The following AP2M1 variants were observed in gnomAD, a reference collection of about 807,000 sequenced individuals.
AP2M1 encodes the protein AP-2 complex subunit mu.
Under a neutral mutation model 54.5 loss-of-function variants are expected in AP2M1, and 5 were observed. The ratio of observed to expected loss-of-function variants is 0.09; its 90% CI spans 0.05 to 0.19. AP2M1 has a LOEUF of 0.19. Among genes scored for constraint, AP2M1 ranks in the 10% least tolerant of loss-of-function variants. AP2M1 has a pLI of 1.00. For synonymous variants in AP2M1, 186 were observed against 208.2 expected, an observed-to-expected ratio of 0.89 and a Z score of 0.92; for missense variants, 178 against 580.2, an observed-to-expected ratio of 0.31 and a Z score of 7.12.
chr3:184,178,788 T>C lies in AP2M1; in HGVS notation c.75-69T>C. 2 of 1,566,216 alleles carry C rather than the reference T, an allele frequency of 1.3e-6. 1 individual carries two copies. The highest frequency in any genetic ancestry group is 2.4e-5 in the South Asian group (2 of 84,760). The stretch of plus-strand genomic sequence containing the variant: ...AAAGGAGGGTGGGGCTGTTAGCAGC[T>C]GTGGTTGATCCTTATGGGGTAAGGT... On this transcript the variant is annotated intron_variant, in intron 2 of 11. Transcript: ENST00000292807. This position sits in a 1 kb window ranked among gnomAD's most constrained non-coding sequence, Gnocchi z 4.9.
intron 2 of AP2M1, chr3:184,177,497 G>T: frequency 6.6e-7 from 1 of 1,509,156 alleles, no homozygotes; most frequent in South Asian, 1.2e-5. Flanking sequence ...GGATTCTGTT[G>T]AAAGCCCCTC....
In AP2M1 at chr3:184,182,717, C is replaced by G. The variant is rs2231222; in HGVS notation, c.1062-40C>G. 4,221 of 1,585,944 alleles carry G rather than the reference C, an allele frequency of 2.7e-3. 95 individuals are homozygous for G. The African/African-American group carries it at 0.049, about 18-fold the overall frequency. On this transcript the variant is annotated intron_variant, in intron 10 of 11. Coordinates refer to ENST00000292807, the MANE Select transcript of AP2M1 (RefSeq NM_004068.4). This position sits in a 1 kb window ranked among gnomAD's most constrained non-coding sequence, Gnocchi z 5.5. ...ATGGGCAACTGCCCTTGAAACTCCT[C>G]CAAGCCCCAATGGGCTGCCCATTGT...
At chr3:184,175,172 A>G (rs1715022432) in intron 1 of AP2M1, 1 of 393,180 alleles carries the variant, frequency 2.5e-6, no homozygotes, top group Non-Finnish European at 4.5e-6. Context: ...CCTCCACCTG[A>G]CCCGCCTGGC....
In AP2M1 at chr3:184,178,278, A is replaced by G; in HGVS notation, c.75-579A>G. The stretch of plus-strand genomic sequence containing the variant: ...TACAGGTGGGTGGGGGCCTGCCCCC[A>G]TCGTTTTCCTGCATCCTTTTTCATT... On this transcript the variant is annotated intron_variant, in intron 2 of 11. Transcript: ENST00000292807. This position sits in a 1 kb window ranked among gnomAD's most constrained non-coding sequence, Gnocchi z 4.9. 1 of 1,523,750 alleles carries G rather than the reference A, an allele frequency of 6.6e-7. No individual in the cohort carries two copies. The highest frequency in any genetic ancestry group is 8.8e-7 in the Non-Finnish European group (1 of 1,135,650). 94.4% of individuals were successfully genotyped at this position (1,523,750 alleles called of 1,614,324 possible). A position where few individuals can be genotyped will look rare whatever the true frequency, so the allele number is the denominator to read the frequency against.
chr3:184,178,733 C>T lies in AP2M1; in HGVS notation c.75-124C>T. ...CTCCAGTGGTTTAGGCATTGGCTTT[C>T]TTTGGAGTGTGTGTGTCAGACTTCT... is the stretch of plus-strand genomic sequence containing the variant. On this transcript the variant is annotated intron_variant, in intron 2 of 11. Coordinates refer to ENST00000292807, the MANE Select transcript of AP2M1 (RefSeq NM_004068.4). This position sits in a 1 kb window ranked among gnomAD's most constrained non-coding sequence, Gnocchi z 4.9. 7.8e-6 allele frequency: 10 copies of T among 1,276,542 alleles called. No homozygotes were observed. The highest frequency in any genetic ancestry group is 1.1e-5 in the Non-Finnish European group (10 of 926,436). The allele number at this position is 1,276,542 out of a possible 1,614,324, so 79.1% of individuals were successfully genotyped here.
At position 184,178,105 on chromosome 3, in the gene AP2M1, C is replaced by A; in HGVS notation, c.75-752C>A. Reference sequence around the variant, plus strand: ...GCCTGTCTTGTCTGCTTCTGCCTCACGGTGTGTGCCGCCCTCCCGGTGTGT... The same window carrying A: ...GCCTGTCTTGTCTGCTTCTGCCTCAAGGTGTGTGCCGCCCTCCCGGTGTGT... On this transcript the variant is annotated intron_variant, in intron 2 of 11. Coordinates refer to ENST00000292807, the MANE Select transcript of AP2M1 (RefSeq NM_004068.4). The surrounding 1 kb of genome is among the most constrained non-coding windows in gnomAD (Gnocchi z 4.9). 1 of 1,313,024 alleles carries A rather than the reference C, an allele frequency of 7.6e-7. No individual in the cohort carries two copies. Among genetic ancestry groups the A allele is most frequent in the Non-Finnish European group, 1.1e-6 (1 of 944,624 alleles). The allele number at this position is 1,313,024 out of a possible 1,614,324, so 81.3% of individuals were successfully genotyped here. A position where few individuals can be genotyped will look rare whatever the true frequency, so the allele number is the denominator to read the frequency against.
In AP2M1 at chr3:184,180,607, G is replaced by A. The variant is rs377555082; in HGVS notation, c.424-38G>A. On this transcript the variant is annotated intron_variant, in intron 4 of 11. Coordinates refer to ENST00000292807, the MANE Select transcript of AP2M1 (RefSeq NM_004068.4). This position sits in a 1 kb window ranked among gnomAD's most constrained non-coding sequence, Gnocchi z 4.9. ...CTCCTCCTTTTCTGCCTCCCTTGCT[G>A]CTTCATGTGGGCACCTCGTTGGCCC... 31 of 1,613,318 alleles carry A rather than the reference G, an allele frequency of 1.9e-5. No individual in the cohort carries two copies. Among genetic ancestry groups the A allele is most frequent in the Non-Finnish European group, 2.5e-5 (29 of 1,180,040 alleles).
chr3:184,183,385 C>G lies in AP2M1; in HGVS notation c.1174-97C>G. ...TTCAGGACCCCAGCCATACAAACAC[C>G]TGTAGTAGCGATGAAGTAGGGCAGG... On this transcript the variant is annotated intron_variant, in intron 11 of 11. Coordinates refer to ENST00000292807, the MANE Select transcript of AP2M1 (RefSeq NM_004068.4). This position sits in a 1 kb window ranked among gnomAD's most constrained non-coding sequence, Gnocchi z 5.7. The G allele has an allele frequency of 6.4e-7, 1 of 1,560,502 alleles. No individual in the cohort carries two copies. The highest frequency in any genetic ancestry group is 8.7e-7 in the Non-Finnish European group (1 of 1,149,246).
rs763363348 is a variant in AP2M1 at position 184,182,283 on chromosome 3, C to T, written c.1061+35C>T. ...TCCTTCATTAGGCCACAGCAGGGCTCAAGATCCCAGTATACCCTCTTGTTT... is the reference window on the plus strand; with the variant it reads ...TCCTTCATTAGGCCACAGCAGGGCTTAAGATCCCAGTATACCCTCTTGTTT... On this transcript the variant is annotated intron_variant, in intron 10 of 11. Coordinates refer to ENST00000292807, the MANE Select transcript of AP2M1 (RefSeq NM_004068.4). The surrounding 1 kb of genome is among the most constrained non-coding windows in gnomAD (Gnocchi z 5.5). 6.2e-7 allele frequency: 1 copy of T among 1,603,076 alleles called. No homozygotes were observed. Among genetic ancestry groups the T allele is most frequent in the South Asian group, 1.1e-5 (1 of 89,290 alleles).
rs1322486555 is a variant in AP2M1, at chr3:184,183,040, C to T, written c.1173+172C>T. ...CTTTCAAGCCTCTTAGTAGAAATTA[C>T]TATTTGTGATGAGGCAAATCTTTTA... is the stretch of plus-strand genomic sequence containing the variant. On this transcript the variant is annotated intron_variant, in intron 11 of 11. Coordinates refer to ENST00000292807, the MANE Select transcript of AP2M1 (RefSeq NM_004068.4). This position sits in a 1 kb window ranked among gnomAD's most constrained non-coding sequence, Gnocchi z 5.7. 4 of 692,364 alleles carry T rather than the reference C, an allele frequency of 5.8e-6. No individual in the cohort carries two copies. The highest frequency in any genetic ancestry group is 1.1e-5 in the Non-Finnish European group (4 of 380,432). 42.9% of individuals were successfully genotyped at this position (692,364 alleles called of 1,614,324 possible).
chr3:184,177,260 C>T (rs945479577), intron 2 of AP2M1, among the ~76,000 whole-genome samples, 193 bp downstream of exon 2: 2 of 152,236 alleles, frequency 1.3e-5, no homozygotes, highest in African/African-American at 2.4e-5. Context: ...GCCTGCCAGC[C>T]CCTAGGTGGG....
At chr3:184,176,558 C>T (rs968031931) in intron 1 of AP2M1, among the ~76,000 whole-genome samples, 1 of 152,126 alleles carries the variant, frequency 6.6e-6, no homozygotes, top group Non-Finnish European at 1.5e-5. Context: ...GTAATGCCTA[C>T]CGCCATTCCT....
In AP2M1 at chr3:184,179,196, G is replaced by A. The variant is rs1715187771; in HGVS notation, c.340+74G>A. The stretch of plus-strand genomic sequence containing the variant: ...CAGGCTGGGCCTGGCCTGAAGGTGG[G>A]TGTAGGTCCGAGGCTCTGGTACACT... On this transcript the variant is annotated intron_variant, in intron 3 of 11. Coordinates refer to ENST00000292807, the MANE Select transcript of AP2M1 (RefSeq NM_004068.4). 6.4e-6 allele frequency: 10 copies of A among 1,557,192 alleles called. No individual in the cohort carries two copies. The Admixed American group carries it at 1.4e-4, about 22-fold the overall frequency.
chr3:184,179,281 G>A, intron 3 of AP2M1, 159 bp downstream of exon 3: 1 of 898,936 alleles, frequency 1.1e-6, no homozygotes, highest in Non-Finnish European at 1.7e-6. Context: ...CCCCTCAGAA[G>A]GCCAGTTCAC....
In AP2M1 at chr3:184,182,384, C is replaced by CA. The variant is rs1715302962; in HGVS notation, c.1061+137dup. The CA allele has an allele frequency of 1.1e-6, 1 of 902,136 alleles. No homozygotes were observed. Among genetic ancestry groups the CA allele is most frequent in the Non-Finnish European group, 1.7e-6 (1 of 598,334 alleles). The allele number at this position is 902,136 out of a possible 1,614,324, so 55.9% of individuals were successfully genotyped here. A position where few individuals can be genotyped will look rare whatever the true frequency, so the allele number is the denominator to read the frequency against. ...TTCTAGGAGCCTCTGCTTGTACTGT[C>CA]AGTCTTTATACCTCCATGTGAGTAT... On this transcript the variant is annotated intron_variant, in intron 10 of 11. Transcript: ENST00000292807. The surrounding 1 kb of genome is among the most constrained non-coding windows in gnomAD (Gnocchi z 5.5).
chr3:184,176,934 GC>G lies in AP2M1; in HGVS notation c.-43-12del. 1.3e-6 allele frequency: 2 copies of G among 1,567,962 alleles called. No individual in the cohort carries two copies. The highest frequency in any genetic ancestry group is 8.7e-7 in the Non-Finnish European group (1 of 1,148,684). Reference sequence around the variant, plus strand: ...CGATTCTGAGGTCTTCTTTTACCCTGCCCCCGCCTGTCCTAGGTCTGTTCTC... The same window carrying G: ...CGATTCTGAGGTCTTCTTTTACCCTGCCCCGCCTGTCCTAGGTCTGTTCTC... On this transcript the variant is annotated splice_polypyrimidine_tract_variant and intron_variant, in intron 1 of 11. Coordinates refer to ENST00000292807, the MANE Select transcript of AP2M1 (RefSeq NM_004068.4).
Position 184,178,143 on chromosome 3 carries a change from C to T in AP2M1, c.75-714C>T, listed in dbSNP as rs535452357. The T allele has an allele frequency of 1.9e-4, 280 of 1,479,620 alleles. 2 individuals carry two copies. The African/African-American group carries it at 3.5e-3, about 19-fold the overall frequency. 91.7% of individuals were successfully genotyped at this position (1,479,620 alleles called of 1,614,324 possible). A position where few individuals can be genotyped will look rare whatever the true frequency, so the allele number is the denominator to read the frequency against. On this transcript the variant is annotated intron_variant, in intron 2 of 11. Coordinates refer to ENST00000292807, the MANE Select transcript of AP2M1 (RefSeq NM_004068.4). This position sits in a 1 kb window ranked among gnomAD's most constrained non-coding sequence, Gnocchi z 4.9. ...CCTCCCGGTGTGTTGTGTGTCTAAC[C>T]CTCTCTCTCGTTGCTATCACTCTCC...
chr3:184,180,468 A>G lies in AP2M1; in HGVS notation c.424-177A>G, dbSNP rs1045012737. 2.4e-5 allele frequency: 27 copies of G among 1,120,310 alleles called. No individual in the cohort carries two copies. Among genetic ancestry groups the G allele is most frequent in the Non-Finnish European group, 3.2e-5 (25 of 773,782 alleles). 69.4% of individuals were successfully genotyped at this position (1,120,310 alleles called of 1,614,324 possible). ...TCTCTATTACCAGGAATACAGCTCA[A>G]GCAGTTTCCTTTTGCACTGAGGGGT... On this transcript the variant is annotated intron_variant, in intron 4 of 11. Transcript: ENST00000292807. The surrounding 1 kb of genome is among the most constrained non-coding windows in gnomAD (Gnocchi z 4.9).
chr3:184,182,381 T>C lies in AP2M1; in HGVS notation c.1061+133T>C, dbSNP rs1715302868. Reference sequence around the variant, plus strand: ...CTTTTCTAGGAGCCTCTGCTTGTACTGTCAGTCTTTATACCTCCATGTGAG... The same window carrying C: ...CTTTTCTAGGAGCCTCTGCTTGTACCGTCAGTCTTTATACCTCCATGTGAG... On this transcript the variant is annotated intron_variant, in intron 10 of 11. Coordinates refer to ENST00000292807, the MANE Select transcript of AP2M1 (RefSeq NM_004068.4). The surrounding 1 kb of genome is among the most constrained non-coding windows in gnomAD (Gnocchi z 5.5). 6.3e-6 allele frequency: 6 copies of C among 950,966 alleles called. No homozygotes were observed. Among genetic ancestry groups the C allele is most frequent in the Admixed American group, 2.7e-5 (1 of 37,106 alleles). The allele number at this position is 950,966 out of a possible 1,614,324, so 58.9% of individuals were successfully genotyped here.
Sources: allele counts gnomAD v4.1 joint callset (sites outside exome capture counted in the v4.1 genomes callset), GRCh38; gene constraint gnomAD v4.1.1; non-coding constraint Gnocchi (gnomAD v3.1); transcripts MANE v1.5; gene names NCBI Gene and HGNC (gene_info 2026-07-23, HGNC 2026-07-21).